The following PDSS2 variants were observed in gnomAD, a reference collection of about 807,000 sequenced individuals.
PDSS2 encodes the protein all trans-polyprenyl-diphosphate synthase PDSS2.
PDSS2 carries 31 observed loss-of-function variants against 44.5 expected under a neutral mutation model. The ratio of observed to expected loss-of-function variants is 0.70; its 90% CI spans 0.52 to 0.94. The LOEUF is 0.94. Ranked by LOEUF, PDSS2 falls within the 40% of genes least tolerant of loss-of-function variation. The pLI, the probability that PDSS2 is intolerant of heterozygous loss-of-function variation, is 0.00. For synonymous variants in PDSS2, 157 were observed against 180.3 expected (o/e 0.87, Z 1.03); for missense variants, 452 against 482.2 (o/e 0.94, Z 0.59).
At chr6:107,237,284 T>A (rs1774256324) in intron 4 of PDSS2, among the ~76,000 whole-genome samples, 1 of 151,908 alleles carries the variant, frequency 6.6e-6, no homozygotes. Flanking sequence ...GCTTTTGTTG[T>A]CCAGACTGGA....
intron 1 of PDSS2, among the ~76,000 whole-genome samples, chr6:107,383,298 CAAAAAAA>C (rs35910650): frequency 5.6e-4 from 16 of 28,436 alleles, no homozygotes; most frequent in African/African-American, 8.0e-4. Context: ...GACTCCATCT[CAAAAAAA>C]AAAAAAAAAA....
At chr6:107,182,526 T>C (rs1772020456) in intron 7 of PDSS2, among the ~76,000 whole-genome samples, 1 of 152,148 alleles carries the variant, frequency 6.6e-6, no homozygotes, top group East Asian at 1.9e-4. Context: ...GGTTTTGCCA[T>C]GTTGGCCAGG....
intron 1 of PDSS2, among the ~76,000 whole-genome samples, chr6:107,339,024 G>A (rs200501318): frequency 1.9e-4 from 29 of 152,226 alleles, no homozygotes; most frequent in Admixed American, 2.6e-4. Context: ...GAGCCAGGCC[G>A]TAAGTATTAC....
At position 107,339,312 on chromosome 6, in the gene PDSS2, G is replaced by A. The variant is rs1250465883; in HGVS notation, c.297-4980C>T. On this transcript the variant is annotated intron_variant, in intron 1 of 7. Coordinates refer to ENST00000369037, the MANE Select transcript of PDSS2 (RefSeq NM_020381.4). ...AAATTGAAAAAGCCTTGTCATTAAAGTGTCATAAATGAAAGCAGTATTTAG... is the reference window on the plus strand; with the variant it reads ...AAATTGAAAAAGCCTTGTCATTAAAATGTCATAAATGAAAGCAGTATTTAG... 2.0e-4 allele frequency among the ~76,000 whole-genome samples: 31 copies of A among 152,330 alleles called. 1 individual carries two copies. The highest frequency in any genetic ancestry group is 2.9e-5 in the Non-Finnish European group (2 of 68,020).
intron 1 of PDSS2, among the ~76,000 whole-genome samples, chr6:107,426,252 C>G (rs1780999321): frequency 6.6e-6 from 1 of 152,230 alleles, no homozygotes; most frequent in Admixed American, 6.5e-5. Context: ...AAAGCTTGAG[C>G]TGTGGCTTCA....
At chr6:107,295,552 A>G (rs1776484188) in intron 2 of PDSS2, among the ~76,000 whole-genome samples, 1 of 152,182 alleles carries the variant, frequency 6.6e-6, no homozygotes, top group Admixed American at 6.5e-5. Context: ...TACCTCCAAC[A>G]ACCTGATAAA....
intron 1 of PDSS2, among the ~76,000 whole-genome samples, chr6:107,454,643 T>TC (rs1403671779): frequency 6.6e-6 from 1 of 152,114 alleles, no homozygotes; most frequent in Non-Finnish European, 1.5e-5. Flanking sequence ...GGTTTCCTTT[T>TC]TTTTTTTCCT....
intron 2 of PDSS2, among the ~76,000 whole-genome samples, chr6:107,332,616 GA>G (rs59929312): frequency 8.1e-5 from 12 of 147,582 alleles, no homozygotes; most frequent in Non-Finnish European, 1.3e-4. Flanking sequence ...ATGTAATCAA[GA>G]AAAAAAAAAC....
chr6:107,163,896 C>T (rs1329133146), intron 7 of PDSS2, among the ~76,000 whole-genome samples: 8 of 152,206 alleles, frequency 5.3e-5, no homozygotes, highest in Non-Finnish European at 1.0e-4. Context: ...AGCCATCACG[C>T]CCAGCTGATC....
intron 1 of PDSS2, among the ~76,000 whole-genome samples, chr6:107,349,585 C>T (rs1446919015): frequency 6.7e-6 from 1 of 149,642 alleles, no homozygotes; most frequent in East Asian, 2.0e-4. Context: ...CCTGTCTCTG[C>T]TAAAAACACA....
At chr6:107,237,915 A>G (rs1334692952) in intron 4 of PDSS2, among the ~76,000 whole-genome samples, 1 of 151,400 alleles carries the variant, frequency 6.6e-6, no homozygotes, top group Non-Finnish European at 1.5e-5. Flanking sequence ...AAAAAAAAAA[A>G]GAAAAGAAAA....
chr6:107,386,025 G>A (rs1021749357), intron 1 of PDSS2, among the ~76,000 whole-genome samples: 4 of 152,062 alleles, frequency 2.6e-5, no homozygotes, highest in Non-Finnish European at 5.9e-5. Flanking sequence ...GTTAAATGAA[G>A]GTAAGTTTAG....
At chr6:107,271,706 T>C (rs1332751021) in intron 3 of PDSS2, among the ~76,000 whole-genome samples, 6 of 152,196 alleles carry the variant, frequency 3.9e-5, no homozygotes, top group Non-Finnish European at 8.8e-5. Context: ...TAGTTGTGTC[T>C]GAAAGGGCTG....
At chr6:107,161,107 T>C (rs923032467) in intron 7 of PDSS2, among the ~76,000 whole-genome samples, 6 of 151,088 alleles carry the variant, frequency 4.0e-5, no homozygotes, top group African/African-American at 1.5e-4. Flanking sequence ...ACTCCTGAGC[T>C]CAAGTGATCC....
chr6:107,430,636 C>G (rs1378321282), intron 1 of PDSS2, among the ~76,000 whole-genome samples: 1 of 152,064 alleles, frequency 6.6e-6, no homozygotes, highest in Non-Finnish European at 1.5e-5. Context: ...TGGTGAAACC[C>G]CATCTCTACT....
chr6:107,172,592 G>A (rs1771618191), intron 7 of PDSS2, among the ~76,000 whole-genome samples: 1 of 152,002 alleles, frequency 6.6e-6, no homozygotes, highest in South Asian at 2.1e-4. Flanking sequence ...TAAAAAAGAG[G>A]ACAAAGGAGC....
At chr6:107,286,823 G>T (rs1349518434) in intron 2 of PDSS2, among the ~76,000 whole-genome samples, 2 of 152,014 alleles carry the variant, frequency 1.3e-5, no homozygotes, top group Non-Finnish European at 2.9e-5. Context: ...GGTGGATCAT[G>T]AGGTCAAAAG....
In PDSS2 at chr6:107,334,240, G is replaced by C. The variant is rs149239689; in HGVS notation, c.389C>G (p.Thr130Ser). ...GACCATGTCATAGTTCTGACATGAA[G>C]TGTTCACGCTGCTGGGCCCAGCTGC... ...SKAAGPSSVN[T>S]SCQNYDMVSG... is the part of the protein sequence containing the mutation. Residue 130 changes from threonine (T) to serine (S), a missense_variant, in exon 2 of 8, where the codon ACT becomes AGT. Transcript: ENST00000369037. 4 of 1,613,654 alleles carry C rather than the reference G, an allele frequency of 2.5e-6. No individual in the cohort carries two copies. Among genetic ancestry groups the C allele is most frequent in the Non-Finnish European group, 3.4e-6 (4 of 1,179,810 alleles).
chr6:107,359,621 G>GT (rs1022184385), intron 1 of PDSS2, among the ~76,000 whole-genome samples: 9 of 127,570 alleles, frequency 7.1e-5, no homozygotes, highest in Admixed American at 8.2e-5. Context: ...AAAAGAATGT[G>GT]TTTAAAAAAA....
Sources: gnomAD v4.1 joint callset for allele counts (sites outside exome capture counted in the v4.1 genomes callset) on GRCh38, gnomAD v4.1.1 for gene constraint, MANE v1.5 for transcripts, NCBI Gene and HGNC (gene_info 2026-07-23, HGNC 2026-07-21) for gene names.